Variants in SEMA3D observed in about 807,000 individuals in gnomAD.
SEMA3D encodes the protein semaphorin-3D.
Under a neutral mutation model 100.1 loss-of-function variants are expected in SEMA3D, and 84 were observed. The observed-to-expected ratio is 0.84, with a 90% CI of 0.70 to 1.01. The LOEUF (loss-of-function observed/expected upper bound fraction) is 1.01, where lower values mean the gene tolerates loss of function less well. Among genes scored for constraint, SEMA3D ranks in the 50% least tolerant of loss-of-function variants. SEMA3D has a pLI of 0.00. For missense variants in SEMA3D, 875 were observed against 934.1 expected, an observed-to-expected ratio of 0.94 and a Z score of 0.82; for synonymous variants, 312 against 320.7, an observed-to-expected ratio of 0.97 and a Z score of 0.29.
At chr7:85,095,491 G>A (rs1334819249) in intron 4 of SEMA3D, among the ~76,000 whole-genome samples, 1 of 151,916 alleles carries the variant, frequency 6.6e-6, no homozygotes, top group Non-Finnish European at 1.5e-5. Context: ...AGAGTACAAA[G>A]GACAGCCTTC....
intron 12 of SEMA3D, among the ~76,000 whole-genome samples, chr7:85,036,453 CA>C (rs1180965184): frequency 1.3e-5 from 2 of 151,732 alleles, no homozygotes; most frequent in Middle Eastern, 3.2e-3. Context: ...AAATGCATAC[CA>C]AAAAAGAGAT....
intron 5 of SEMA3D, among the ~76,000 whole-genome samples, chr7:85,078,273 G>A (rs959382443): frequency 1.3e-5 from 2 of 150,936 alleles, no homozygotes; most frequent in African/African-American, 4.9e-5. Flanking sequence ...AGACTTTCTT[G>A]AGAGAAAAAA....
At chr7:85,083,106 C>T (rs1788110628) in intron 4 of SEMA3D, among the ~76,000 whole-genome samples, 1 of 152,066 alleles carries the variant, frequency 6.6e-6, no homozygotes, top group Non-Finnish European at 1.5e-5. Context: ...TTGCAAACCG[C>T]ACATCTTGCT....
rs760983123 is a variant in SEMA3D, at chr7:85,022,632, G to A, written c.1192-19C>T. 4 of 1,521,894 alleles carry A rather than the reference G, an allele frequency of 2.6e-6. No individual in the cohort carries two copies. Among genetic ancestry groups the A allele is most frequent in the Non-Finnish European group, 3.6e-6 (4 of 1,097,222 alleles). The allele number at this position is 1,521,894 out of a possible 1,614,324, so 94.3% of individuals were successfully genotyped here. On this transcript the variant is annotated intron_variant, in intron 12 of 18. Transcript: ENST00000284136. ...TTGGACACTGAAAATAAATGTGGAG[G>A]AAAGTAAAGACATTGTTTATGCACC...
At chr7:85,125,478 A>G (rs1789541725) in intron 2 of SEMA3D, among the ~76,000 whole-genome samples, 1 of 152,132 alleles carries the variant, frequency 6.6e-6, no homozygotes, top group Non-Finnish European at 1.5e-5. Flanking sequence ...ATATTGTTAA[A>G]TAAGTTAAAA....
chr7:85,082,548 T>C (rs1788096029), intron 4 of SEMA3D, among the ~76,000 whole-genome samples: 1 of 152,158 alleles, frequency 6.6e-6, no homozygotes, highest in Non-Finnish European at 1.5e-5. Flanking sequence ...GAGTTCCCGA[T>C]AGACTTTTAT....
At chr7:85,151,614 TGTGTG>T in intron 2 of SEMA3D, 1 of 971,608 alleles carries the variant, frequency 1.0e-6, no homozygotes, top group Non-Finnish European at 1.2e-6. Flanking sequence ...TGTGTGTGTG[TGTGTG>T]TGTGTGTGTG....
At chr7:85,106,512 T>C (rs945300930) in intron 3 of SEMA3D, among the ~76,000 whole-genome samples, 9 of 152,100 alleles carry the variant, frequency 5.9e-5, no homozygotes, top group African/African-American at 1.9e-4. Flanking sequence ...CATTATTTTA[T>C]AACAATATTG....
intron 4 of SEMA3D, among the ~76,000 whole-genome samples, chr7:85,096,930 T>C (rs1274546284): frequency 6.6e-6 from 1 of 151,844 alleles, no homozygotes; most frequent in Non-Finnish European, 1.5e-5. Context: ...CTATTGGATT[T>C]AAACCGTGCA....
chr7:85,091,313 C>G (rs902638552), intron 4 of SEMA3D, among the ~76,000 whole-genome samples: 4 of 152,070 alleles, frequency 2.6e-5, no homozygotes, highest in Admixed American at 2.6e-4. Context: ...ACGTCATTCT[C>G]TTTGTGACCC....
intron 8 of SEMA3D, among the ~76,000 whole-genome samples, chr7:85,057,867 G>A (rs1277882344): frequency 2.0e-5 from 3 of 151,490 alleles, no homozygotes; most frequent in Non-Finnish European, 4.4e-5. Flanking sequence ...GAAGGCAGAG[G>A]TTGTAGAGAG....
At chr7:85,118,944 C>T (rs1425534621) in intron 3 of SEMA3D, among the ~76,000 whole-genome samples, 1 of 150,924 alleles carries the variant, frequency 6.6e-6, no homozygotes, top group African/African-American at 2.4e-5. Context: ...AAAAGGTGGG[C>T]AAAGGACATG....
chr7:85,076,350 T>C (rs1475253195), intron 5 of SEMA3D, among the ~76,000 whole-genome samples: 1 of 151,974 alleles, frequency 6.6e-6, no homozygotes, highest in Non-Finnish European at 1.5e-5. Context: ...ATATTTCATC[T>C]CTCATATATA....
intron 1 of SEMA3D, among the ~76,000 whole-genome samples, chr7:85,161,218 T>G (rs1482462871): frequency 6.6e-6 from 1 of 152,302 alleles, no homozygotes; most frequent in South Asian, 2.1e-4. Flanking sequence ...AAATAGTAAA[T>G]TAATTCAGCA....
chr7:85,226,156 T>A, the SEMA3D span, among the ~76,000 whole-genome samples: 2 of 152,178 alleles, frequency 1.3e-5, no homozygotes, highest in African/African-American at 4.8e-5. Context: ...TCACATGTTT[T>A]ATTCACTCTC....
chr7:85,054,792 C>T (rs1791261942), intron 9 of SEMA3D, among the ~76,000 whole-genome samples: 1 of 152,016 alleles, frequency 6.6e-6, no homozygotes, highest in Admixed American at 6.6e-5. Flanking sequence ...CAGCTCTTCC[C>T]CTTAATAACT....
chr7:85,049,683 C>T (rs1258376541), intron 9 of SEMA3D, among the ~76,000 whole-genome samples: 4 of 151,712 alleles, frequency 2.6e-5, no homozygotes, highest in Non-Finnish European at 4.4e-5. Flanking sequence ...CAACAGAGAT[C>T]AATAAATACG....
chr7:85,145,743 T>G (rs192831801), intron 2 of SEMA3D, among the ~76,000 whole-genome samples: 17 of 152,290 alleles, frequency 1.1e-4, no homozygotes. Context: ...AAAAACACAC[T>G]GTCATCCCTC....
At chr7:85,071,287 C>G (rs1329922964) in intron 6 of SEMA3D, among the ~76,000 whole-genome samples, 3 of 152,148 alleles carry the variant, frequency 2.0e-5, no homozygotes, top group Admixed American at 1.3e-4. Flanking sequence ...GTTACCAAGT[C>G]TCCTAGTGGC....
Sources: allele counts gnomAD v4.1 joint callset (sites outside exome capture counted in the v4.1 genomes callset), GRCh38; gene constraint gnomAD v4.1.1; transcripts MANE v1.5; gene names NCBI Gene and HGNC (gene_info 2026-07-23, HGNC 2026-07-21).